The following ARHGEF7 variants were observed in gnomAD, a reference collection of about 807,000 sequenced individuals.
ARHGEF7 encodes the protein PAK-interacting exchange factor beta.
ARHGEF7 carries 33 observed loss-of-function variants against 109.8 expected under a neutral mutation model. The ratio of observed to expected loss-of-function variants is 0.30; its 90% CI spans 0.23 to 0.40. The LOEUF (loss-of-function observed/expected upper bound fraction) is 0.40. ARHGEF7 is among the 10% of genes least tolerant of loss of function. ARHGEF7 has a pLI of 1.00. For synonymous variants in ARHGEF7, 458 were observed against 424.6 expected, an observed-to-expected ratio of 1.08 and a Z score of -0.97; for missense variants, 938 against 1,098.5, an observed-to-expected ratio of 0.85 and a Z score of 2.07.
Position 111,267,392 on chromosome 13 carries a change from GGCAGCAACACAT to G in ARHGEF7, c.951-154_951-143del, listed in dbSNP as rs534972522. On this transcript the variant is annotated intron_variant, in intron 8 of 21. Coordinates refer to ENST00000646102, the MANE Select transcript of ARHGEF7 (RefSeq NM_001354046.2). ...CGCCCCTTCTCCTTGCTAGACTCAA[GGCAGCAACACAT>G]GTGTGCTGGGATCGGGGCCTCTGGT... is the stretch of plus-strand genomic sequence containing the variant. Among the ~76,000 whole-genome samples the G allele has an allele frequency of 6.8e-3, 1,027 of 152,136 alleles. 5 individuals carry two copies. Among genetic ancestry groups the G allele is most frequent in the Admixed American group, 0.011 (166 of 15,304 alleles).
intron 2 of ARHGEF7, among the ~76,000 whole-genome samples, chr13:111,200,523 G>T (rs918391760): frequency 2.0e-5 from 3 of 151,844 alleles, no homozygotes; most frequent in Admixed American, 2.0e-4. Context: ...TGACTTTAGA[G>T]GTTAGCTGAT....
At chr13:111,230,590 T>G (rs2085904962) in intron 5 of ARHGEF7, among the ~76,000 whole-genome samples, 1 of 152,220 alleles carries the variant, frequency 6.6e-6, no homozygotes, top group South Asian at 2.1e-4. Context: ...GGAGTGGCCT[T>G]GCTGGGGTCT....
intron 1 of ARHGEF7, among the ~76,000 whole-genome samples, chr13:111,116,976 G>T (rs1249317986): frequency 6.6e-6 from 1 of 152,208 alleles, no homozygotes; most frequent in South Asian, 2.1e-4. Context: ...TGATGTCACA[G>T]TGAAATTATG....
chr13:111,267,794 C>G (rs2091787551), intron 9 of ARHGEF7, 124 bp downstream of exon 9: 11 of 1,223,238 alleles, frequency 9.0e-6, no homozygotes, highest in Non-Finnish European at 1.2e-5. Context: ...TTAATTACCC[C>G]TCAAAATTAG....
chr13:111,294,694 G>T, intron 19 of ARHGEF7: 1 of 985,402 alleles, frequency 1.0e-6, no homozygotes, highest in South Asian at 4.7e-5. Flanking sequence ...CATCCAGAGG[G>T]CCATTGTTTC....
chr13:111,205,006 C>T (rs1050377387), intron 2 of ARHGEF7, among the ~76,000 whole-genome samples: 3 of 152,194 alleles, frequency 2.0e-5, no homozygotes, highest in African/African-American at 7.2e-5. Context: ...CCCCCCACCC[C>T]GCCCCGCCCC....
intron 8 of ARHGEF7, chr13:111,265,825 A>G (rs2091581274): frequency 1.2e-5 from 5 of 434,534 alleles, no homozygotes; most frequent in Non-Finnish European, 2.3e-5. Flanking sequence ...AGGATGCAAT[A>G]GGGGACCACC....
intron 16 of ARHGEF7, among the ~76,000 whole-genome samples, chr13:111,285,382 G>T (rs887345895): frequency 1.3e-5 from 2 of 152,204 alleles, no homozygotes; most frequent in Admixed American, 1.3e-4. Flanking sequence ...ATGTCGTTGG[G>T]GTGATGCAGA....
intron 2 of ARHGEF7, among the ~76,000 whole-genome samples, chr13:111,160,667 A>G (rs909821136): frequency 2.0e-5 from 3 of 152,148 alleles, no homozygotes; most frequent in Non-Finnish European, 1.5e-5. Flanking sequence ...AAAAAAATCT[A>G]TTGGACAGTG....
At chr13:111,230,146 T>C (rs61967973) in intron 5 of ARHGEF7, among the ~76,000 whole-genome samples, 2,232 of 152,274 alleles carry the variant, frequency 0.015, 26 homozygotes, top group Non-Finnish European at 0.021. Context: ...TTAAATTTTC[T>C]TGTTTTCAGC....
At position 111,239,370 on chromosome 13, in the gene ARHGEF7, G is replaced by A. The variant is rs1178358163; in HGVS notation, c.760-4502G>A. 6.6e-6 allele frequency among the ~76,000 whole-genome samples: 1 copy of A among 152,134 alleles called. No homozygotes were observed. The highest frequency in any genetic ancestry group is 1.5e-5 in the Non-Finnish European group (1 of 68,020). ...TAGATGCCATCACACACATCCACGG[G>A]CCTTTCCTGTGCTCCAGAGAAGCCG... On this transcript the variant is annotated intron_variant, in intron 6 of 21. Coordinates refer to ENST00000646102, the MANE Select transcript of ARHGEF7 (RefSeq NM_001354046.2). This position sits in a 1 kb window ranked among gnomAD's most constrained non-coding sequence, Gnocchi z 4.3.
intron 2 of ARHGEF7, among the ~76,000 whole-genome samples, chr13:111,190,399 ACT>A (rs2079743735): frequency 6.6e-6 from 1 of 151,224 alleles, no homozygotes; most frequent in Admixed American, 6.6e-5. Flanking sequence ...TAAAAACAAC[ACT>A]CTTCCCCTAA....
chr13:111,165,979 C>T (rs1305845457), intron 2 of ARHGEF7, among the ~76,000 whole-genome samples: 4 of 152,142 alleles, frequency 2.6e-5, no homozygotes. Flanking sequence ...AGACCAGCCT[C>T]CAGGAAAGCC....
chr13:111,253,088 G>A (rs2153561967), intron 8 of ARHGEF7, among the ~76,000 whole-genome samples: 1 of 152,358 alleles, frequency 6.6e-6, no homozygotes, highest in South Asian at 2.1e-4. Context: ...TTTGGGACAA[G>A]AAAGCCTTAG....
chr13:111,168,651 C>G (rs1464069157), intron 2 of ARHGEF7, among the ~76,000 whole-genome samples: 2 of 152,272 alleles, frequency 1.3e-5, no homozygotes, highest in Admixed American at 6.5e-5. Flanking sequence ...AGTAAATTGT[C>G]CATTCCCACC....
chr13:111,283,234 C>T lies in ARHGEF7; in HGVS notation c.1821C>T (p.His607=), dbSNP rs761857593. 3 of 1,589,232 alleles carry T rather than the reference C, an allele frequency of 1.9e-6. No homozygotes were observed. Among genetic ancestry groups the T allele is most frequent in the African/African-American group, 2.7e-5 (2 of 74,644 alleles). ...ACCACACGCTGCCCCACCCCTCCCA[C>T]CACGGCACCCCGCACACCACCATCA... The part of the protein sequence containing the change: ...PAYHTLPHPS[H]HGTPHTTINW... Residue 607 remains histidine, a synonymous_variant, in exon 16 of 22, where the codon CAC becomes CAT. Coordinates refer to ENST00000646102, the MANE Select transcript of ARHGEF7 (RefSeq NM_001354046.2).
intron 2 of ARHGEF7, chr13:111,186,986 C>T: frequency 1.0e-6 from 1 of 985,712 alleles, no homozygotes; most frequent in Non-Finnish European, 1.2e-6. Context: ...TTCTTTTGCT[C>T]TCGTGTCAGT....
In ARHGEF7 at chr13:111,292,212, T is replaced by C; in HGVS notation, c.2229T>C (p.Arg743=). 6.2e-7 allele frequency: 1 copy of C among 1,614,204 alleles called. No homozygotes were observed. The highest frequency in any genetic ancestry group is 8.5e-7 in the Non-Finnish European group (1 of 1,180,034). ...TGGGGCGTCGCAGTAGCCTTTCTCG[T>C]TTGGAGCCTTCAGACCTCTCGGAAG... is the stretch of plus-strand genomic sequence containing the variant. ...DSLGRRSSLS[R]LEPSDLSEDS... Residue 743 remains arginine, a synonymous_variant, in exon 19 of 22, where the codon CGT becomes CGC. Coordinates refer to ENST00000646102, the MANE Select transcript of ARHGEF7 (RefSeq NM_001354046.2).
In ARHGEF7 at chr13:111,153,950, C is replaced by G; in HGVS notation, c.211C>G (p.Arg71Gly). Residue 71 changes from arginine (R) to glycine (G), a missense_variant, in exon 2 of 22, where the codon CGC (arginine) becomes GGC (glycine). By Grantham distance (125) the Arg-to-Gly change is moderately radical (BLOSUM62 -2). Coordinates refer to ENST00000646102, the MANE Select transcript of ARHGEF7 (RefSeq NM_001354046.2). ...CGAGAGCGAGTGCCTGAGCAACATC[C>G]GCGAGTTCCTGCGCGGCTGCGGGGC... ...RSESECLSNI[R>G]EFLRGCGASL... 3 of 1,605,322 alleles carry G rather than the reference C, an allele frequency of 1.9e-6. No homozygotes were observed. Among genetic ancestry groups the G allele is most frequent in the Non-Finnish European group, 2.5e-6 (3 of 1,177,290 alleles).
Sources: gnomAD v4.1 joint callset for allele counts (sites outside exome capture counted in the v4.1 genomes callset) on GRCh38, gnomAD v4.1.1 for gene constraint, Gnocchi (gnomAD v3.1) non-coding constraint, MANE v1.5 for transcripts, NCBI Gene and HGNC (gene_info 2026-07-23, HGNC 2026-07-21) for gene names.